Variants in AKAP9 observed in about 807,000 individuals in gnomAD.
AKAP9 encodes the protein A-kinase anchoring protein 9.
Under a neutral mutation model 488.5 loss-of-function variants are expected in AKAP9, and 311 were observed. The ratio of observed to expected loss-of-function variants is 0.64; its 90% CI spans 0.58 to 0.70. The LOEUF is 0.70. AKAP9 is among the 30% of genes least tolerant of loss of function. The probability of loss-of-function intolerance (pLI) is 0.00; values close to 1 mark genes in which losing one functional copy is unlikely to be tolerated. For synonymous variants in AKAP9, 1,462 were observed against 1,483.5 expected, an observed-to-expected ratio of 0.99 and a Z score of 0.33; for missense variants, 4,215 against 4,374.5, an observed-to-expected ratio of 0.96 and a Z score of 1.03.
At chr7:92,081,920 C>T (rs1289415418) in intron 31 of AKAP9, among the ~76,000 whole-genome samples, 1 of 152,080 alleles carries the variant, frequency 6.6e-6, no homozygotes, top group Non-Finnish European at 1.5e-5. Context: ...TTTCCTCCTT[C>T]ATTGGAACTA....
chr7:92,058,434 AT>A, intron 22 of AKAP9: 1 of 473,146 alleles, frequency 2.1e-6, no homozygotes, highest in Non-Finnish European at 4.3e-6. Context: ...AAAAATATTC[AT>A]TTAGTTAAAC....
intron 9 of AKAP9, among the ~76,000 whole-genome samples, chr7:92,013,015 G>C (rs1383669815): frequency 9.8e-6 from 1 of 102,292 alleles, no homozygotes; most frequent in Non-Finnish European, 1.9e-5. Flanking sequence ...TTTTTGAGAC[G>C]GAGTCTCGCT....
chr7:92,042,653 C>T lies in AKAP9; in HGVS notation c.5059-15C>T, dbSNP rs1806309117. ...TTCTGTCTTCTCCTCTCTTCCTTTA[C>T]ACAAACTTAAACAGAATGGAAATGA... On this transcript the variant is annotated splice_polypyrimidine_tract_variant and intron_variant, in intron 19 of 49. Transcript: ENST00000356239. 3 of 1,578,556 alleles carry T rather than the reference C, an allele frequency of 1.9e-6. No individual in the cohort carries two copies. The highest frequency in any genetic ancestry group is 2.7e-5 in the African/African-American group (2 of 74,146).
chr7:91,971,718 C>A (rs1795103039), intron 1 of AKAP9, among the ~76,000 whole-genome samples: 1 of 151,726 alleles, frequency 6.6e-6, no homozygotes, highest in Non-Finnish European at 1.5e-5. Flanking sequence ...CAGGCGCCTG[C>A]CACCACTGCC....
chr7:92,080,233 G>T (rs1355192518), intron 31 of AKAP9, 81 bp downstream of exon 31: 1 of 1,058,386 alleles, frequency 9.4e-7, no homozygotes, highest in Non-Finnish European at 1.3e-6. Context: ...ATGGTGTTCT[G>T]TTTACATCTA....
intron 27 of AKAP9, among the ~76,000 whole-genome samples, chr7:92,070,585 C>A (rs1421278746): frequency 1.3e-5 from 2 of 151,964 alleles, no homozygotes; most frequent in Non-Finnish European, 2.9e-5. Flanking sequence ...TAGGCATGCG[C>A]CACCACAACC....
rs1489911646 is a variant in AKAP9 at position 92,022,821 on chromosome 7, T to C, written c.3960T>C (p.Asn1320=). 2 of 1,586,334 alleles carry C rather than the reference T, an allele frequency of 1.3e-6. No individual in the cohort carries two copies. Among genetic ancestry groups the C allele is most frequent in the Non-Finnish European group, 1.7e-6 (2 of 1,156,884 alleles). Residue 1320 remains asparagine, a synonymous_variant, in exon 14 of 50, where the codon AAT becomes AAC. Coordinates refer to ENST00000356239, the MANE Select transcript of AKAP9 (RefSeq NM_005751.5). ...TCTCTTTATATAACATAGATGTCAA[T>C]CATAAAAGCAAGTTATCTTCTCTGC... is the stretch of plus-strand genomic sequence containing the variant. ...QMTNLEDIDV[N]HKSKLSSLQD...
At chr7:91,971,728 C>T (rs757141466) in intron 1 of AKAP9, among the ~76,000 whole-genome samples, 11 of 151,702 alleles carry the variant, frequency 7.3e-5, no homozygotes, top group African/African-American at 9.7e-5. Context: ...CCACCACTGC[C>T]GGGCTAATTT....
intron 22 of AKAP9, chr7:92,058,117 A>G: frequency 1.8e-6 from 1 of 543,218 alleles, no homozygotes. Flanking sequence ...TTTTTAATGT[A>G]TTAGAAAATT....
intron 45 of AKAP9, among the ~76,000 whole-genome samples, chr7:92,101,919 G>A (rs1386790977): frequency 1.3e-5 from 2 of 152,106 alleles, no homozygotes. Context: ...CACTTCGGGA[G>A]GCCAAGGTGG....
Position 92,080,037 on chromosome 7 carries a change from A to G in AKAP9, c.7904A>G (p.Asn2635Ser), listed in dbSNP as rs1472740690. 6.4e-7 allele frequency: 1 copy of G among 1,563,554 alleles called. No homozygotes were observed. The highest frequency in any genetic ancestry group is 2.2e-5 in the Admixed American group (1 of 45,416). ...GAACAAGTAGAAATTGCAGAAAAAAATGTTTTAGAAAAAGAAAAGAAGCTG... is the reference window on the plus strand; with the variant it reads ...GAACAAGTAGAAATTGCAGAAAAAAGTGTTTTAGAAAAAGAAAAGAAGCTG... ...EKEQVEIAEK[N>S]VLEKEKKLLE... Residue 2635 changes from asparagine (N) to serine (S), a missense_variant, in exon 31 of 50, where the codon AAT becomes AGT. By Grantham distance (46) the Asn-to-Ser change is conservative. Coordinates refer to ENST00000356239, the MANE Select transcript of AKAP9 (RefSeq NM_005751.5).
At chr7:92,081,003 A>G (rs1458624462) in intron 31 of AKAP9, among the ~76,000 whole-genome samples, 1 of 152,200 alleles carries the variant, frequency 6.6e-6, no homozygotes, top group Non-Finnish European at 1.5e-5. Context: ...ATTATCACTA[A>G]AATAATGGAT....
chr7:92,084,505 C>G (rs1452348486), intron 33 of AKAP9, 135 bp from the exon 34 acceptor site: 5 of 617,542 alleles, frequency 8.1e-6, no homozygotes, highest in Non-Finnish European at 1.1e-5. Context: ...AAAAAAAAAC[C>G]ATGAATAATT....
intron 38 of AKAP9, chr7:92,092,758 C>A (rs1409980684): frequency 3.3e-5 from 8 of 244,302 alleles, no homozygotes; most frequent in South Asian, 2.2e-4. Flanking sequence ...GCAATCCCCC[C>A]ACCTCAGCCT....
At position 92,052,760 on chromosome 7, in the gene AKAP9, T is replaced by A. The variant is rs1362371969; in HGVS notation, c.5403T>A (p.Ser1801Arg). 1 of 1,613,454 alleles carries A rather than the reference T, an allele frequency of 6.2e-7. No homozygotes were observed. Among genetic ancestry groups the A allele is most frequent in the Admixed American group, 1.7e-5 (1 of 59,996 alleles). Residue 1801 changes from serine (S) to arginine (R), a missense_variant, in exon 22 of 50, where the codon AGT (serine) becomes AGA (arginine). Coordinates refer to ENST00000356239, the MANE Select transcript of AKAP9 (RefSeq NM_005751.5). ...TDESIPSYSG[S>R]DMPRNDINMW... ...AATCCATTCCCTCTTATTCTGGAAGTGATATGCCAAGAAATGACATTAACA... is the reference window on the plus strand; with the variant it reads ...AATCCATTCCCTCTTATTCTGGAAGAGATATGCCAAGAAATGACATTAACA...
chr7:92,094,970 T>G, intron 39 of AKAP9, 53 bp from the exon 40 acceptor site: 1 of 1,569,558 alleles, frequency 6.4e-7, no homozygotes, highest in Non-Finnish European at 8.8e-7. Context: ...TCTCTCTCAT[T>G]ATATGCTTCG....
chr7:92,028,154 C>G (rs1162827288), intron 14 of AKAP9, among the ~76,000 whole-genome samples: 2 of 151,940 alleles, frequency 1.3e-5, no homozygotes, highest in Non-Finnish European at 2.9e-5. Context: ...ACAAACACTG[C>G]GGAAGGCCGC....
intron 13 of AKAP9, 91 bp from the exon 14 acceptor site, chr7:92,022,723 A>G (rs1802493781): frequency 2.3e-6 from 2 of 878,880 alleles, no homozygotes; most frequent in Admixed American, 2.7e-5. Flanking sequence ...TTTTCAAAAA[A>G]GAATTAATAT....
At chr7:92,108,657 T>C in intron 49 of AKAP9, 24 bp downstream of exon 49, 1 of 1,614,098 alleles carries the variant, frequency 6.2e-7, no homozygotes, top group Non-Finnish European at 8.5e-7. Flanking sequence ...AACCACATCT[T>C]GGCAGCACCA....
Sources: allele counts gnomAD v4.1 joint callset (sites outside exome capture counted in the v4.1 genomes callset), GRCh38; gene constraint gnomAD v4.1.1; transcripts MANE v1.5; gene names NCBI Gene and HGNC (gene_info 2026-07-23, HGNC 2026-07-21).